IGSF21: variants seen among roughly 807,000 people sequenced by gnomAD.
IGSF21 encodes the protein immunoglobin superfamily member 21.
In IGSF21, 28 loss-of-function variants were observed where a neutral mutation model predicts 46.8. That is an observed-to-expected ratio of 0.60 (90% confidence interval 0.44 to 0.82). The LOEUF (loss-of-function observed/expected upper bound fraction) is 0.82. IGSF21 is among the 40% of genes least tolerant of loss of function. The pLI, the probability that IGSF21 is intolerant of heterozygous loss-of-function variation, is 0.00. For missense variants in IGSF21, 624 were observed against 665.5 expected (o/e 0.94, Z 0.69); for synonymous variants, 284 against 273.6 (o/e 1.04, Z -0.38).
chr1:18,321,600 T>C (rs2085601856), intron 3 of IGSF21, among the ~76,000 whole-genome samples: 1 of 152,180 alleles, frequency 6.6e-6, no homozygotes, highest in Non-Finnish European at 1.5e-5. Flanking sequence ...ACTTGGCACA[T>C]GGAGCCCTCT....
intron 2 of IGSF21, among the ~76,000 whole-genome samples, chr1:18,262,384 G>A (rs1205756593): frequency 6.6e-6 from 1 of 152,210 alleles, no homozygotes; most frequent in Admixed American, 6.5e-5. Flanking sequence ...GGCATCTGCT[G>A]CAAGCTCAGA....
intron 2 of IGSF21, among the ~76,000 whole-genome samples, chr1:18,256,353 G>C (rs1045745143): frequency 6.6e-6 from 1 of 152,220 alleles, no homozygotes; most frequent in African/African-American, 2.4e-5. Context: ...CTAATTGCCT[G>C]TTTAATTGTT....
chr1:18,191,607 G>A (rs531255084), intron 1 of IGSF21, among the ~76,000 whole-genome samples: 3 of 152,188 alleles, frequency 2.0e-5, no homozygotes, highest in Admixed American at 6.5e-5. Flanking sequence ...GGGAGCACAC[G>A]GCTTGAGCTG....
At chr1:18,246,928 A>G (rs181811980) in intron 2 of IGSF21, among the ~76,000 whole-genome samples, 1 of 152,276 alleles carries the variant, frequency 6.6e-6, no homozygotes, top group Non-Finnish European at 1.5e-5. Context: ...GCCAGGCACT[A>G]AGCTAAGAGC....
chr1:18,295,120 C>A (rs1279154527), intron 3 of IGSF21, among the ~76,000 whole-genome samples: 2 of 152,138 alleles, frequency 1.3e-5, no homozygotes, highest in Non-Finnish European at 2.9e-5. Context: ...ACTGATGGGG[C>A]CCTGGAGGGA....
intron 1 of IGSF21, among the ~76,000 whole-genome samples, chr1:18,183,531 G>T (rs2086875869): frequency 6.6e-6 from 1 of 152,232 alleles, no homozygotes; most frequent in South Asian, 2.1e-4. Flanking sequence ...ACAAGCCCAG[G>T]TCATGGATAG....
Position 18,367,603 on chromosome 1 carries a change from CTTTT to C in IGSF21, c.1015+1925_1015+1928del, listed in dbSNP as rs35019096. ...GACCTTTGATATTCTCTCTCTCTCT[CTTTT>C]TTTTTTTTTTTTTTTTTTGACAGAG... On this transcript the variant is annotated intron_variant, in intron 6 of 9. Transcript: ENST00000251296. Among the ~76,000 whole-genome samples the C allele has an allele frequency of 1.8e-4, 13 of 73,960 alleles. No homozygotes were observed. The South Asian group carries it at 4.2e-3, about 24-fold the overall frequency. 48.5% of individuals were successfully genotyped at this position (73,960 alleles called of 152,430 possible).
At chr1:18,271,420 A>T (rs2085041479) in intron 2 of IGSF21, among the ~76,000 whole-genome samples, 1 of 152,202 alleles carries the variant, frequency 6.6e-6, no homozygotes, top group East Asian at 1.9e-4. Flanking sequence ...TGAGTAACTC[A>T]GTGTGGTTTG....
chr1:18,311,848 T>C (rs2085491591), intron 3 of IGSF21, among the ~76,000 whole-genome samples: 1 of 152,178 alleles, frequency 6.6e-6, no homozygotes, highest in South Asian at 2.1e-4. Flanking sequence ...CCCCCATGAT[T>C]CAATTATTTC....
intron 1 of IGSF21, among the ~76,000 whole-genome samples, chr1:18,153,495 T>C (rs1452617658): frequency 6.6e-6 from 1 of 152,142 alleles, no homozygotes; most frequent in Non-Finnish European, 1.5e-5. Context: ...CCCAGTGACT[T>C]GGCTCAATAA....
chr1:18,149,917 A>G (rs9728666), intron 1 of IGSF21, among the ~76,000 whole-genome samples: 59,300 of 151,982 alleles, frequency 0.39, 12,012 homozygotes, highest in East Asian at 0.58. Flanking sequence ...TACGCTAATT[A>G]TTATTATAAT....
At chr1:18,293,758 C>T (rs546342745) in intron 3 of IGSF21, among the ~76,000 whole-genome samples, 4 of 152,320 alleles carry the variant, frequency 2.6e-5, no homozygotes, top group African/African-American at 7.2e-5. Flanking sequence ...TAATGCCACC[C>T]AGCCCACCCC....
intron 6 of IGSF21, among the ~76,000 whole-genome samples, chr1:18,367,586 A>G (rs190632712): frequency 3.4e-5 from 4 of 117,798 alleles, no homozygotes; most frequent in Non-Finnish European, 7.3e-5. Context: ...TGGACCTTTG[A>G]TATTCTCTCT....
chr1:18,226,976 A>G (rs143887181), intron 1 of IGSF21, among the ~76,000 whole-genome samples: 6 of 152,302 alleles, frequency 3.9e-5, no homozygotes, highest in African/African-American at 9.6e-5. Flanking sequence ...TCACCAGACT[A>G]GACTTTGGTG....
chr1:18,362,105 T>C lies in IGSF21; in HGVS notation c.425-10T>C, dbSNP rs776104396. 3 of 1,587,626 alleles carry C rather than the reference T, an allele frequency of 1.9e-6. No homozygotes were observed. The highest frequency in any genetic ancestry group is 2.6e-6 in the Non-Finnish European group (3 of 1,161,124). On this transcript the variant is annotated splice_polypyrimidine_tract_variant and intron_variant, in intron 4 of 9. Coordinates refer to ENST00000251296, the MANE Select transcript of IGSF21 (RefSeq NM_032880.5). ...GAGCCCTTGTCTTCCTGTGCTTCCT[T>C]TTGGGGCAGCTCCTCCCACCTCCAT...
rs994910928 is a variant in IGSF21, at chr1:18,149,645, C to T, written c.70+41447C>T. 3.6e-5 allele frequency among the ~76,000 whole-genome samples: 5 copies of T among 140,224 alleles called. No homozygotes were observed. The East Asian group carries it at 9.2e-4, about 26-fold the overall frequency. The allele number at this position is 140,224 out of a possible 152,430, so 92.0% of individuals were successfully genotyped here. On this transcript the variant is annotated intron_variant, in intron 1 of 9. Coordinates refer to ENST00000251296, the MANE Select transcript of IGSF21 (RefSeq NM_032880.5). ...CTGACAGCTTGGCCCAATAGGTCTT[C>T]GTAACATGGGCAGATTGTGGAAATC... is the stretch of plus-strand genomic sequence containing the variant.
At chr1:18,154,044 A>G (rs2086545852) in intron 1 of IGSF21, among the ~76,000 whole-genome samples, 1 of 152,188 alleles carries the variant, frequency 6.6e-6, no homozygotes, top group African/African-American at 2.4e-5. Context: ...CGTGGGATCC[A>G]CAGACCACTG....
At chr1:18,343,928 C>T (rs747564434) in intron 4 of IGSF21, among the ~76,000 whole-genome samples, 1 of 152,248 alleles carries the variant, frequency 6.6e-6, no homozygotes, top group East Asian at 1.9e-4. Flanking sequence ...AGTTTCTCGA[C>T]CTTTCCCCTT....
chr1:18,294,497 C>T (rs997966141), intron 3 of IGSF21, among the ~76,000 whole-genome samples: 40 of 152,146 alleles, frequency 2.6e-4, no homozygotes, highest in African/African-American at 9.2e-4. Flanking sequence ...CAGAAGAGGT[C>T]AAAGTTCAGC....
Sources: allele counts gnomAD v4.1 joint callset (sites outside exome capture counted in the v4.1 genomes callset), GRCh38; gene constraint gnomAD v4.1.1; transcripts MANE v1.5; gene names NCBI Gene and HGNC (gene_info 2026-07-23, HGNC 2026-07-21).